The following CACNG4 variants were observed in gnomAD, a reference collection of about 807,000 sequenced individuals.
CACNG4 encodes the protein calcium voltage-gated channel auxiliary subunit gamma 4.
Under a neutral mutation model 22.9 loss-of-function variants are expected in CACNG4, and 8 were observed. The ratio of observed to expected loss-of-function variants is 0.35; its 90% CI spans 0.21 to 0.63. CACNG4 has a LOEUF of 0.63. Ranked by LOEUF, CACNG4 falls within the 30% of genes least tolerant of loss-of-function variation. The pLI, the probability that CACNG4 is intolerant of heterozygous loss-of-function variation, is 0.72. For missense variants in CACNG4, 357 were observed against 455.4 expected (o/e 0.78, Z 1.97); for synonymous variants, 188 against 191.9 (o/e 0.98, Z 0.17).
chr17:67,024,884 TC>T lies in CACNG4; in HGVS notation c.333del (p.Ile112SerfsTer92). ...GGCATCGTGCGAGCCTCCAGCGTCT[TC>T]CCCATCCTCAGCACCATCCTGCTCC... Reference protein sequence around the residue: ...LLRIVRASSVFPILSTILLLL... With the variant: ...LLRIVRASSVXPILSTILLLL... On this transcript the variant is annotated frameshift_variant, in exon 3 of 4. Coordinates refer to ENST00000262138, the MANE Select transcript of CACNG4 (RefSeq NM_014405.4). LOFTEE classifies it high-confidence loss of function. The T allele has an allele frequency of 1.3e-6, 2 of 1,586,864 alleles. No homozygotes were observed. Among genetic ancestry groups the T allele is most frequent in the Non-Finnish European group, 8.6e-7 (1 of 1,168,556 alleles).
chr17:66,968,747 CCCT>C (rs1364005549), intron 1 of CACNG4, among the ~76,000 whole-genome samples: 1 of 125,286 alleles, frequency 8.0e-6, no homozygotes, highest in Non-Finnish European at 1.7e-5. Flanking sequence ...CCCTCCCCTT[CCCT>C]CCTCCTCCCT....
At chr17:66,976,464 C>T (rs558892449) in intron 1 of CACNG4, among the ~76,000 whole-genome samples, 3 of 150,446 alleles carry the variant, frequency 2.0e-5, no homozygotes, top group South Asian at 2.1e-4. Flanking sequence ...CTCCAACTTC[C>T]CTCCCTCCTT....
intron 1 of CACNG4, among the ~76,000 whole-genome samples, chr17:66,999,290 G>GTGT (rs533383254): frequency 2.5e-3 from 381 of 152,192 alleles, no homozygotes; most frequent in African/African-American, 8.6e-3. Flanking sequence ...GGTGGTGGTG[G>GTGT]TGGTGGTGGT....
chr17:66,995,827 G>A (rs1380640825), intron 1 of CACNG4, among the ~76,000 whole-genome samples: 1 of 151,578 alleles, frequency 6.6e-6, no homozygotes, highest in African/African-American at 2.4e-5. Flanking sequence ...TCCGGCCTGG[G>A]TGACAGAGCA....
chr17:67,025,077 C>T (rs1028401019), intron 3 of CACNG4, 77 bp downstream of exon 3: 49 of 1,384,694 alleles, frequency 3.5e-5, no homozygotes, highest in South Asian at 1.4e-4. Flanking sequence ...GTCCCCACTG[C>T]CAGGCAGTGT....
At chr17:67,025,229 A>G (rs1237977137) in intron 3 of CACNG4, among the ~76,000 whole-genome samples, 1 of 152,240 alleles carries the variant, frequency 6.6e-6, no homozygotes, top group Non-Finnish European at 1.5e-5. Flanking sequence ...AATGTTTTGG[A>G]TGCTTGCACA....
rs182803043 is a variant in CACNG4, at chr17:67,022,959, G to A, written c.305-1901G>A. ...CATTGTAACAAATGATCAAAACTGC[G>A]TGACCTGCAACAGAAATTCACTGTC... On this transcript the variant is annotated intron_variant, in intron 2 of 3. Coordinates refer to ENST00000262138, the MANE Select transcript of CACNG4 (RefSeq NM_014405.4). Among the ~76,000 whole-genome samples the A allele has an allele frequency of 3.3e-5, 5 of 152,334 alleles. No homozygotes were observed. In the East Asian group the frequency reaches 7.7e-4, roughly 24 times the overall value.
At position 67,030,610 on chromosome 17, in the gene CACNG4, C is replaced by T. The variant is rs147716893; in HGVS notation, c.590C>T (p.Thr197Ile). Residue 197 changes from threonine to isoleucine, a missense_variant, in exon 4 of 4, where the codon ACC becomes ATC. Coordinates refer to ENST00000262138, the MANE Select transcript of CACNG4 (RefSeq NM_014405.4). The surrounding 1 kb of genome is among the most constrained non-coding windows in gnomAD (Gnocchi z 6.4). The stretch of plus-strand genomic sequence containing the variant: ...GCTCTGTCTTTCATTGTGGCTGAGA[C>T]CGTGGGCGTCCTGGCTGTAAACATT... ...FGALSFIVAE[T>I]VGVLAVNIYI... 98 of 1,614,206 alleles carry T rather than the reference C, an allele frequency of 6.1e-5. No homozygotes were observed. In the Admixed American group the frequency reaches 6.8e-4, roughly 11 times the overall value.
rs934855907 is a variant in CACNG4, at chr17:67,027,423, G to A, written c.445+2423G>A. ...AGGGGACATTGGCTTATTCCCTGGC[G>A]CATGGGGCACTGATGGGGACTGAGC... is the stretch of plus-strand genomic sequence containing the variant. On this transcript the variant is annotated intron_variant, in intron 3 of 3. Transcript: ENST00000262138. The surrounding 1 kb of genome is among the most constrained non-coding windows in gnomAD (Gnocchi z 4.3). 6.6e-6 allele frequency among the ~76,000 whole-genome samples: 1 copy of A among 152,194 alleles called. No homozygotes were observed. The highest frequency in any genetic ancestry group is 2.4e-5 in the African/African-American group (1 of 41,452).
At chr17:66,989,864 A>G (rs2035328393) in intron 1 of CACNG4, among the ~76,000 whole-genome samples, 3 of 146,026 alleles carry the variant, frequency 2.1e-5, no homozygotes, top group Non-Finnish European at 4.5e-5. Flanking sequence ...TCTCGGATGA[A>G]ACACTTTTGT....
At chr17:67,007,170 A>G (rs934148575) in intron 1 of CACNG4, among the ~76,000 whole-genome samples, 2 of 151,862 alleles carry the variant, frequency 1.3e-5, no homozygotes, top group Non-Finnish European at 2.9e-5. Flanking sequence ...GCGAGACTCT[A>G]TCTCAAAACA....
At chr17:66,972,786 C>T (rs2035212577) in intron 1 of CACNG4, among the ~76,000 whole-genome samples, 2 of 151,320 alleles carry the variant, frequency 1.3e-5, no homozygotes, top group African/African-American at 2.4e-5. Flanking sequence ...ATTAGCCGGG[C>T]GTAGTGGTGC....
rs189156294 is a variant in CACNG4, at chr17:67,026,972, G to A, written c.445+1972G>A. On this transcript the variant is annotated intron_variant, in intron 3 of 3. Transcript: ENST00000262138. ...AGTCATTTTTCAAAAGGTGTGAGCC[G>A]TTTAGGAGGTCCCGGCTGTGACCCC... is the stretch of plus-strand genomic sequence containing the variant. Among the ~76,000 whole-genome samples, 35 of 151,516 alleles carry A rather than the reference G, an allele frequency of 2.3e-4. 1 individual carries two copies. In the East Asian group the frequency reaches 5.5e-3, roughly 24 times the overall value.
rs770064616 is a variant in CACNG4, at chr17:66,965,091, C to T, written c.180C>T (p.Asp60=). The T allele has an allele frequency of 6.2e-7, 1 of 1,601,182 alleles. No individual in the cohort carries two copies. Among genetic ancestry groups the T allele is most frequent in the East Asian group, 2.3e-5 (1 of 43,656 alleles). Residue 60 remains aspartate (D), a synonymous_variant, in exon 1 of 4, where the codon GAC becomes GAT. Coordinates refer to ENST00000262138, the MANE Select transcript of CACNG4 (RefSeq NM_014405.4). ...DGPPPRRARG[D]LTHSGLWRVC... ...CCCCGCCCCGCCGCGCCCGCGGCGA[C>T]CTCACCCACTCTGGTCTGTGGCGGG...
rs187859803 is a variant in CACNG4, at chr17:66,988,066, T to C, written c.220+22935T>C. Reference sequence around the variant, plus strand: ...GTGTGTGTGTGTGTATATATATATATACACACACACACACACATGCAACTG... The same window carrying C: ...GTGTGTGTGTGTGTATATATATATACACACACACACACACACATGCAACTG... On this transcript the variant is annotated intron_variant, in intron 1 of 3. Transcript: ENST00000262138. 4.7e-3 allele frequency among the ~76,000 whole-genome samples: 692 copies of C among 147,428 alleles called. 6 individuals carry two copies. The highest frequency in any genetic ancestry group is 0.012 in the African/African-American group (461 of 39,136).
At position 67,030,152 on chromosome 17, in the gene CACNG4, GGTGTGT is replaced by G. The variant is rs34332552; in HGVS notation, c.446-298_446-293del. 4.5e-5 allele frequency among the ~76,000 whole-genome samples: 4 copies of G among 88,502 alleles called. No homozygotes were observed. The highest frequency in any genetic ancestry group is 6.2e-5 in the Non-Finnish European group (2 of 32,384). The allele number at this position is 88,502 out of a possible 152,430, so 58.1% of individuals were successfully genotyped here. ...AGTACTGTGCAAAGGAAATAATAGG[GGTGTGT>G]GTGTGTGTGTGTGTGAAGAGAGAAA... On this transcript the variant is annotated intron_variant, in intron 3 of 3. Coordinates refer to ENST00000262138, the MANE Select transcript of CACNG4 (RefSeq NM_014405.4). The surrounding 1 kb of genome is among the most constrained non-coding windows in gnomAD (Gnocchi z 6.4).
At chr17:67,025,984 T>C (rs2035562397) in intron 3 of CACNG4, among the ~76,000 whole-genome samples, 1 of 152,088 alleles carries the variant, frequency 6.6e-6, no homozygotes, top group Non-Finnish European at 1.5e-5. Flanking sequence ...CATCTGCGAG[T>C]GATCTGTGGG....
chr17:66,965,620 C>T (rs1434447900), intron 1 of CACNG4, among the ~76,000 whole-genome samples: 3 of 150,658 alleles, frequency 2.0e-5, no homozygotes, highest in African/African-American at 7.3e-5. Context: ...TGGGAACTGG[C>T]CATCCTGGGG....
chr17:66,967,499 C>G (rs1341381702), intron 1 of CACNG4, among the ~76,000 whole-genome samples: 1 of 152,184 alleles, frequency 6.6e-6, no homozygotes, highest in Non-Finnish European at 1.5e-5. Flanking sequence ...TCCTACGATG[C>G]CTCCACCTGC....
Sources: allele counts gnomAD v4.1 joint callset (sites outside exome capture counted in the v4.1 genomes callset), GRCh38; gene constraint gnomAD v4.1.1; non-coding constraint Gnocchi (gnomAD v3.1); transcripts MANE v1.5; gene names NCBI Gene and HGNC (gene_info 2026-07-23, HGNC 2026-07-21).